The following ZNF609 variants were observed in gnomAD, a reference collection of about 807,000 sequenced individuals.
ZNF609 encodes the protein zinc finger protein 609.
In ZNF609, 11 loss-of-function variants were observed where a neutral mutation model predicts 109.5. That is an observed-to-expected ratio of 0.10 (90% CI 0.06 to 0.17). The LOEUF is 0.17. Ranked by LOEUF, ZNF609 falls within the 10% of genes least tolerant of loss-of-function variation. The pLI is 1.00. For missense variants in ZNF609, 1,559 were observed against 1,772.4 expected, an observed-to-expected ratio of 0.88 and a Z score of 2.16; for synonymous variants, 646 against 662.0, an observed-to-expected ratio of 0.98 and a Z score of 0.37.
chr15:64,667,579 G>A (rs1414406649), intron 3 of ZNF609, among the ~76,000 whole-genome samples: 1 of 151,958 alleles, frequency 6.6e-6, no homozygotes, highest in African/African-American at 2.4e-5. Flanking sequence ...CGGGCATGGT[G>A]GCACCTGCCG....
At chr15:64,642,700 A>G (rs1463480062) in intron 3 of ZNF609, among the ~76,000 whole-genome samples, 1 of 152,184 alleles carries the variant, frequency 6.6e-6, no homozygotes, top group East Asian at 1.9e-4. Context: ...AGGCTGAAGC[A>G]GGAGGATCTC....
chr15:64,574,017 C>T (rs185909208), intron 2 of ZNF609, among the ~76,000 whole-genome samples: 6 of 152,164 alleles, frequency 3.9e-5, no homozygotes, highest in Non-Finnish European at 7.4e-5. Flanking sequence ...TCATCAATTC[C>T]TGCTCTCACC....
chr15:64,670,549 G>C (rs1896710641), intron 4 of ZNF609, 116 bp downstream of exon 4: 2 of 865,726 alleles, frequency 2.3e-6, no homozygotes, highest in South Asian at 1.4e-5. Context: ...TGATGGTATA[G>C]ATACCAGGGA....
intron 2 of ZNF609, chr15:64,529,073 T>C (rs1894015873): frequency 9.1e-7 from 1 of 1,104,224 alleles, no homozygotes; most frequent in Admixed American, 1.9e-5. Context: ...TGGAGAGCCC[T>C]GCAGCCATCA....
At chr15:64,657,661 C>T (rs570277121) in intron 3 of ZNF609, among the ~76,000 whole-genome samples, 189 of 152,196 alleles carry the variant, frequency 1.2e-3, no homozygotes, top group African/African-American at 4.1e-3. Flanking sequence ...AATAGTTTAC[C>T]GCCTGGATTG....
chr15:64,631,263 C>A, intron 3 of ZNF609: 1 of 655,418 alleles, frequency 1.5e-6, no homozygotes, highest in Admixed American at 1.9e-5. Context: ...ATTTTTCCTT[C>A]ACATGTTTCA....
chr15:64,536,925 A>G (rs1218290846), intron 2 of ZNF609, among the ~76,000 whole-genome samples: 4 of 143,892 alleles, frequency 2.8e-5, no homozygotes, highest in African/African-American at 5.1e-5. Flanking sequence ...AGAAAAAAAA[A>G]AAAAAAAAAA....
intron 6 of ZNF609, 142 bp downstream of exon 6, chr15:64,678,624 G>A: frequency 1.7e-6 from 2 of 1,192,522 alleles, no homozygotes; most frequent in Non-Finnish European, 2.3e-6. Context: ...GAGTCATTCT[G>A]TGAGGTGGCC....
chr15:64,583,500 C>G (rs1214110573), intron 2 of ZNF609, among the ~76,000 whole-genome samples: 1 of 152,100 alleles, frequency 6.6e-6, no homozygotes, highest in Non-Finnish European at 1.5e-5. Context: ...GAGGGACCAT[C>G]CACCTTCCAG....
intron 2 of ZNF609, among the ~76,000 whole-genome samples, chr15:64,599,179 T>G (rs1332641505): frequency 2.0e-4 from 29 of 147,676 alleles, no homozygotes; most frequent in African/African-American, 7.2e-4. Flanking sequence ...TTTTTTTTTT[T>G]TTTTTTTTTT....
intron 3 of ZNF609, chr15:64,631,081 C>G (rs181293861): frequency 1.5e-3 from 648 of 438,348 alleles, no homozygotes; most frequent in African/African-American, 0.012. Flanking sequence ...TTTTACAGTC[C>G]TGAGGTCTTT....
At chr15:64,478,809 G>C (rs921501126) in intron 1 of ZNF609, among the ~76,000 whole-genome samples, 1 of 152,158 alleles carries the variant, frequency 6.6e-6, no homozygotes, top group Non-Finnish European at 1.5e-5. Context: ...AGGGTTTGCT[G>C]TATATCAAAC....
chr15:64,659,527 A>T (rs1896543756), intron 3 of ZNF609, among the ~76,000 whole-genome samples: 1 of 152,220 alleles, frequency 6.6e-6, no homozygotes, highest in South Asian at 2.1e-4. Flanking sequence ...GAAGGCAGAC[A>T]TATTAATGAC....
rs558206329 is a variant in ZNF609, at chr15:64,642,586, G to A, written c.973+19534G>A. ...AGGTGGGAGGATTACTTGAGCCCAG[G>A]AGTTCGAGACCAGCCTCTGCAACAC... On this transcript the variant is annotated intron_variant, in intron 3 of 9. Transcript: ENST00000326648. 2.0e-5 allele frequency among the ~76,000 whole-genome samples: 3 copies of A among 152,282 alleles called. No individual in the cohort carries two copies. The South Asian group carries it at 6.2e-4, about 32-fold the overall frequency.
At chr15:64,591,213 A>G (rs1895289941) in intron 2 of ZNF609, among the ~76,000 whole-genome samples, 2 of 152,130 alleles carry the variant, frequency 1.3e-5, no homozygotes, top group Admixed American at 1.3e-4. Flanking sequence ...GCGGATCATG[A>G]GGTCAAGAGA....
intron 2 of ZNF609, among the ~76,000 whole-genome samples, chr15:64,606,959 A>C (rs1391542890): frequency 6.6e-6 from 1 of 152,258 alleles, no homozygotes; most frequent in East Asian, 1.9e-4. Flanking sequence ...AGCCTGATCA[A>C]CATGGAGAAA....
intron 2 of ZNF609, among the ~76,000 whole-genome samples, chr15:64,577,185 G>GTATA (rs1049933254): frequency 8.2e-6 from 1 of 121,972 alleles, no homozygotes; most frequent in African/African-American, 3.3e-5. Flanking sequence ...ACATATATGT[G>GTATA]TATATATACA....
intron 2 of ZNF609, among the ~76,000 whole-genome samples, chr15:64,551,068 C>G (rs566962131): frequency 1.3e-5 from 2 of 151,998 alleles, no homozygotes; most frequent in Admixed American, 1.3e-4. Flanking sequence ...ATTTTAGCTT[C>G]TACATTTAGG....
chr15:64,459,678 A>G (rs1205001707), upstream of ZNF609, among the ~76,000 whole-genome samples: 4 of 152,176 alleles, frequency 2.6e-5, no homozygotes. Flanking sequence ...GGAAGGACAT[A>G]ATAGGGGCTA....
Sources: gnomAD v4.1 joint callset for allele counts (sites outside exome capture counted in the v4.1 genomes callset) on GRCh38, gnomAD v4.1.1 for gene constraint, MANE v1.5 for transcripts, NCBI Gene and HGNC (gene_info 2026-07-23, HGNC 2026-07-21) for gene names.